Variants in NRG1 observed in about 807,000 individuals in gnomAD.
NRG1 encodes neuregulin 1.
NRG1 carries 18 observed loss-of-function variants against 63.8 expected under a neutral mutation model. The ratio of observed to expected loss-of-function variants is 0.28; its 90% confidence interval spans 0.19 to 0.42. NRG1 has a LOEUF of 0.42. Ranked by LOEUF, NRG1 falls within the 10% of genes least tolerant of loss-of-function variation. The pLI, the probability that NRG1 is intolerant of heterozygous loss-of-function variation, is 1.00. For missense variants in NRG1, 762 were observed against 814.7 expected (o/e 0.94, Z 0.79); for synonymous variants, 302 against 301.3 (o/e 1.00, Z -0.02).
intron 1 of NRG1, among the ~76,000 whole-genome samples, chr8:31,964,978 C>T (rs1326237819): frequency 6.6e-6 from 1 of 152,150 alleles, no homozygotes; most frequent in African/African-American, 2.4e-5. Context: ...ACAAAAAGTA[C>T]ACAAGACAAA....
In NRG1 at chr8:32,093,309, G is replaced by A. The variant is rs555332821; in HGVS notation, c.37+453878G>A. On this transcript the variant is annotated intron_variant, in intron 1 of 10. Coordinates refer to the NRG1 transcript ENST00000519301. ...GGGCAGGCCACCCCTTCAAAGGCAA[G>A]TGTCATGAATGAAGAAATTAAGGAT... Among the ~76,000 whole-genome samples, 10 of 152,308 alleles carry A rather than the reference G, an allele frequency of 6.6e-5. No individual in the cohort carries two copies. In the South Asian group the frequency reaches 2.1e-3, roughly 32 times the overall value.
At chr8:31,998,306 A>T (rs1291158161) in intron 1 of NRG1, among the ~76,000 whole-genome samples, 1 of 152,134 alleles carries the variant, frequency 6.6e-6, no homozygotes, top group South Asian at 2.1e-4. Context: ...ATATTACTGA[A>T]CATTTTTTAT....
intron 1 of NRG1, among the ~76,000 whole-genome samples, chr8:32,078,861 G>A (rs981046706): frequency 6.6e-6 from 1 of 152,162 alleles, no homozygotes; most frequent in South Asian, 2.1e-4. Context: ...TCTCTGTTGA[G>A]TGAGGGCTTA....
chr8:32,186,298 T>C (rs1458543980), intron 1 of NRG1, among the ~76,000 whole-genome samples: 1 of 151,598 alleles, frequency 6.6e-6, no homozygotes, highest in Admixed American at 6.6e-5. Context: ...CCCATTTCAC[T>C]AAAAATACAA....
At chr8:32,630,083 G>C (rs181883428) in intron 5 of NRG1, among the ~76,000 whole-genome samples, 1 of 152,258 alleles carries the variant, frequency 6.6e-6, no homozygotes, top group East Asian at 1.9e-4. Flanking sequence ...CAGTCTTTCT[G>C]ACTCTTCATC....
At chr8:32,660,817 C>A (rs1037886534) in intron 5 of NRG1, among the ~76,000 whole-genome samples, 1 of 152,148 alleles carries the variant, frequency 6.6e-6, no homozygotes, top group African/African-American at 2.4e-5. Flanking sequence ...TGGCTCATAG[C>A]GCTATATAAG....
At chr8:32,590,640 A>G (rs1002275062) in intron 1 of NRG1, among the ~76,000 whole-genome samples, 2 of 152,216 alleles carry the variant, frequency 1.3e-5, no homozygotes, top group Non-Finnish European at 2.9e-5. Context: ...ATTAGAAGAT[A>G]CTTGGTGAAT....
In NRG1 at chr8:32,407,388, G is replaced by A. The variant is rs184976903; in HGVS notation, c.38-188440G>A. Reference sequence around the variant, plus strand: ...CTATATATGTTTTAAAGCCAGGCTGGTCTTAATCTTGTCTATTGAATTCAT... The same window carrying A: ...CTATATATGTTTTAAAGCCAGGCTGATCTTAATCTTGTCTATTGAATTCAT... On this transcript the variant is annotated intron_variant, in intron 1 of 10. Transcript: ENST00000519301. Among the ~76,000 whole-genome samples, 325 of 148,046 alleles carry A rather than the reference G, an allele frequency of 2.2e-3. 1 individual carries two copies. Among genetic ancestry groups the A allele is most frequent in the African/African-American group, 7.9e-3 (316 of 40,024 alleles).
At chr8:32,749,274 G>A (rs531826181) in intron 7 of NRG1, 2 of 448,980 alleles carry the variant, frequency 4.5e-6, no homozygotes, top group South Asian at 7.1e-5. Context: ...ATAATTTAGG[G>A]GATAGTTCAG....
At chr8:32,484,548 G>T (rs1479350899) in intron 1 of NRG1, among the ~76,000 whole-genome samples, 1 of 151,798 alleles carries the variant, frequency 6.6e-6, no homozygotes, top group African/African-American at 2.4e-5. Context: ...AAACGATGCT[G>T]TCCAGCAGGC....
At chr8:32,068,886 A>G (rs946458254) in intron 1 of NRG1, among the ~76,000 whole-genome samples, 5 of 152,210 alleles carry the variant, frequency 3.3e-5, no homozygotes, top group African/African-American at 9.6e-5. Flanking sequence ...AATCTAGTTC[A>G]TTACTCTGAG....
chr8:32,440,335 G>A (rs4129579), intron 1 of NRG1, among the ~76,000 whole-genome samples: 46,969 of 151,792 alleles, frequency 0.31, 7,503 homozygotes, highest in South Asian at 0.35. Context: ...TTTCTTTTTG[G>A]TAGATATGGA....
rs150572559 is a variant in NRG1 at position 32,054,475 on chromosome 8, C to T, written c.37+415044C>T. ...AAAGACAAGTGTGGCCTGCAGTCACCAACAGAAGCTTTAAGCTCCAAGGAT... is the reference window on the plus strand; with the variant it reads ...AAAGACAAGTGTGGCCTGCAGTCACTAACAGAAGCTTTAAGCTCCAAGGAT... On this transcript the variant is annotated intron_variant, in intron 1 of 10. Transcript: ENST00000519301. 4.0e-3 allele frequency among the ~76,000 whole-genome samples: 615 copies of T among 152,272 alleles called. 8 individuals carry two copies. The highest frequency in any genetic ancestry group is 4.7e-3 in the Non-Finnish European group (320 of 68,018).
At chr8:32,718,913 G>A (rs1478489040) in intron 5 of NRG1, among the ~76,000 whole-genome samples, 1 of 151,960 alleles carries the variant, frequency 6.6e-6, no homozygotes, top group Non-Finnish European at 1.5e-5. Flanking sequence ...TTTTCTTGAT[G>A]GTTACTACTG....
chr8:32,367,889 G>A (rs908275022), intron 1 of NRG1, among the ~76,000 whole-genome samples: 1 of 152,100 alleles, frequency 6.6e-6, no homozygotes, highest in Non-Finnish European at 1.5e-5. Context: ...TTCTACATAT[G>A]GATGTCCAGT....
chr8:31,751,822 G>A (rs1419137290), intron 1 of NRG1, among the ~76,000 whole-genome samples: 1 of 151,902 alleles, frequency 6.6e-6, no homozygotes, highest in Admixed American at 6.6e-5. Flanking sequence ...AGATGTTTAA[G>A]GTGACATAGA....
intron 1 of NRG1, among the ~76,000 whole-genome samples, chr8:32,235,793 T>C (rs1847487202): frequency 6.6e-6 from 1 of 152,140 alleles, no homozygotes; most frequent in Non-Finnish European, 1.5e-5. Flanking sequence ...TTGGCTCAAT[T>C]CAGGGCTAAC....
At chr8:31,673,673 G>C (rs1807386233) in intron 1 of NRG1, among the ~76,000 whole-genome samples, 1 of 152,126 alleles carries the variant, frequency 6.6e-6, no homozygotes, top group Admixed American at 6.6e-5. Flanking sequence ...CTTTTGTCAT[G>C]TTCTGGTTGT....
At chr8:32,677,180 G>A (rs1807347829) in intron 5 of NRG1, among the ~76,000 whole-genome samples, 1 of 151,958 alleles carries the variant, frequency 6.6e-6, no homozygotes, top group African/African-American at 2.4e-5. Flanking sequence ...TCAAACAGGT[G>A]AATAATTTTG....
Sources: gnomAD v4.1 joint callset for allele counts (sites outside exome capture counted in the v4.1 genomes callset) on GRCh38, gnomAD v4.1.1 for gene constraint, MANE v1.5 for transcripts, NCBI Gene and HGNC (gene_info 2026-07-23, HGNC 2026-07-21) for gene names.